TPRG1: variants seen among roughly 807,000 people sequenced by gnomAD.
TPRG1 encodes tumor protein p63-regulated gene 1 protein.
A neutral mutation model predicts 29.3 loss-of-function variants in TPRG1; 29 were observed. That is an observed-to-expected ratio of 0.99 (90% CI 0.74 to 1.35). TPRG1 has a LOEUF of 1.35. Ranked by LOEUF, TPRG1 falls within the 40% of genes most tolerant of loss-of-function variation. TPRG1 has a pLI of 0.00. For missense variants in TPRG1, 327 were observed against 335.0 expected (o/e 0.98, Z 0.19); for synonymous variants, 130 against 116.8 (o/e 1.11, Z -0.73).
chr3:189,110,007 G>A (rs1180029620), intron 1 of TPRG1, among the ~76,000 whole-genome samples: 1 of 152,148 alleles, frequency 6.6e-6, no homozygotes, highest in African/African-American at 2.4e-5. Context: ...TTCCTGAGTA[G>A]TATTTAATTG....
At chr3:189,191,768 C>T (rs977851197) in intron 1 of TPRG1, among the ~76,000 whole-genome samples, 11 of 152,064 alleles carry the variant, frequency 7.2e-5, no homozygotes, top group African/African-American at 2.7e-4. Context: ...GGTCTTGTTC[C>T]ACCCCTTTTG....
intron 3 of TPRG1, among the ~76,000 whole-genome samples, chr3:189,143,247 G>T (rs900864048): frequency 4.6e-5 from 7 of 152,126 alleles, no homozygotes; most frequent in Non-Finnish European, 8.8e-5. Flanking sequence ...AGTAGGAGCC[G>T]CTGGTAATAT....
chr3:189,040,916 T>G (rs1714591662), intron 4 of TPRG1, among the ~76,000 whole-genome samples: 1 of 152,174 alleles, frequency 6.6e-6, no homozygotes, highest in South Asian at 2.1e-4. Context: ...AGCTATTCCT[T>G]AGATTGACTT....
chr3:189,140,636 C>T (rs371690594), intron 3 of TPRG1, among the ~76,000 whole-genome samples: 20 of 152,278 alleles, frequency 1.3e-4, no homozygotes, highest in African/African-American at 4.8e-4. Flanking sequence ...CCGTACAATT[C>T]TGTTAAATGG....
At chr3:189,167,683 A>T (rs1205086101), upstream of TPRG1, among the ~76,000 whole-genome samples, 1 of 152,194 alleles carries the variant, frequency 6.6e-6, no homozygotes, top group Non-Finnish European at 1.5e-5. Flanking sequence ...GTTGGGGTGG[A>T]TCAGAAAGTC....
intron 3 of TPRG1, among the ~76,000 whole-genome samples, chr3:189,008,835 A>G (rs1027546130): frequency 2.4e-4 from 36 of 152,154 alleles, no homozygotes; most frequent in African/African-American, 7.7e-4. Flanking sequence ...GGAAAACACA[A>G]CAGAACACAA....
At chr3:189,146,523 A>C (rs756368127) in intron 3 of TPRG1, among the ~76,000 whole-genome samples, 4 of 152,182 alleles carry the variant, frequency 2.6e-5, no homozygotes, top group Non-Finnish European at 5.9e-5. Context: ...TGCCCTGTAC[A>C]GAGTGTCAGG....
chr3:189,053,346 T>C (rs1245760311), intron 4 of TPRG1, among the ~76,000 whole-genome samples: 1 of 152,228 alleles, frequency 6.6e-6, no homozygotes, highest in Non-Finnish European at 1.5e-5. Flanking sequence ...ATGGTTTCTT[T>C]TGAGGAAACA....
intron 1 of TPRG1, among the ~76,000 whole-genome samples, chr3:189,187,111 T>C (rs9831378): frequency 0.49 from 74,158 of 149,892 alleles, 18,388 homozygotes; most frequent in South Asian, 0.56. Flanking sequence ...CTCAGCCTCC[T>C]GAGTAGCTGG....
At chr3:189,244,732 G>A (rs893421770) in intron 4 of TPRG1, among the ~76,000 whole-genome samples, 4 of 152,062 alleles carry the variant, frequency 2.6e-5, no homozygotes, top group Admixed American at 1.3e-4. Flanking sequence ...CAACACTGGG[G>A]ATTACAATTC....
At chr3:189,120,327 GC>G (rs1200958695) in intron 1 of TPRG1, 1 of 152,194 alleles carries the variant, frequency 6.6e-6, no homozygotes, top group Non-Finnish European at 1.5e-5. Flanking sequence ...CAAGAAAATT[GC>G]TTTTAGAAGA....
At chr3:189,045,518 G>A (rs1714920052) in intron 4 of TPRG1, among the ~76,000 whole-genome samples, 1 of 152,178 alleles carries the variant, frequency 6.6e-6, no homozygotes, top group Admixed American at 6.5e-5. Context: ...CAGTTAATCG[G>A]AACAGGTTAC....
chr3:189,311,297 C>T (rs1205705820), intron 5 of TPRG1, among the ~76,000 whole-genome samples: 2 of 152,120 alleles, frequency 1.3e-5, no homozygotes, highest in Admixed American at 1.3e-4. Flanking sequence ...GAAATTCTTA[C>T]CTTCTCCGTC....
intron 3 of TPRG1, among the ~76,000 whole-genome samples, chr3:189,022,996 GC>G (rs371127471): frequency 0.028 from 4,240 of 152,288 alleles, 158 homozygotes; most frequent in African/African-American, 0.087. Context: ...TTTTCCAGGT[GC>G]CGTCCGTCAC....
intron 4 of TPRG1, among the ~76,000 whole-genome samples, chr3:189,248,288 T>G (rs1054010410): frequency 1.9e-4 from 29 of 151,934 alleles, no homozygotes; most frequent in African/African-American, 6.7e-4. Context: ...ATTCACTCAT[T>G]TGAGAAAGCC....
intron 5 of TPRG1, among the ~76,000 whole-genome samples, chr3:189,157,245 C>T (rs1444392146): frequency 1.3e-5 from 2 of 152,198 alleles, no homozygotes; most frequent in African/African-American, 2.4e-5. Context: ...TGTTCTGTCT[C>T]AGGTCCTGAG....
intron 4 of TPRG1, among the ~76,000 whole-genome samples, chr3:189,065,277 T>C (rs1716363435): frequency 6.6e-6 from 1 of 152,092 alleles, no homozygotes; most frequent in African/African-American, 2.4e-5. Context: ...TTTTGCACAA[T>C]TTCTTCCAGA....
At chr3:189,074,957 G>A (rs1480929604) in intron 4 of TPRG1, among the ~76,000 whole-genome samples, 9 of 149,414 alleles carry the variant, frequency 6.0e-5, no homozygotes, top group Admixed American at 3.3e-4. Context: ...GACTACAGGC[G>A]CCCGCCACCA....
At chr3:189,029,542 A>T (rs1321917944) in intron 4 of TPRG1, among the ~76,000 whole-genome samples, 1 of 152,220 alleles carries the variant, frequency 6.6e-6, no homozygotes, top group Non-Finnish European at 1.5e-5. Context: ...TTTTAGCAAC[A>T]ACAACAAAAA....
Sources: gnomAD v4.1 joint callset for allele counts (sites outside exome capture counted in the v4.1 genomes callset) on GRCh38, gnomAD v4.1.1 for gene constraint, MANE v1.5 for transcripts, NCBI Gene and HGNC (gene_info 2026-07-23, HGNC 2026-07-21) for gene names.